The following KLRG1 variants were observed in gnomAD, a reference collection of about 807,000 sequenced individuals.
KLRG1 encodes the protein killer cell lectin like receptor G1, also known as killer cell lectin-like receptor subfamily G member 1.
Under a neutral mutation model 21.8 loss-of-function variants are expected in KLRG1, and 16 were observed. The ratio of observed to expected loss-of-function variants is 0.73; its 90% confidence interval spans 0.50 to 1.11. The LOEUF (loss-of-function observed/expected upper bound fraction) is 1.11. Among genes scored for constraint, KLRG1 ranks in the 50% most tolerant of loss-of-function variants. KLRG1 has a pLI of 0.00. For missense variants in KLRG1, 173 were observed against 218.3 expected (o/e 0.79, Z 1.31); for synonymous variants, 69 against 75.9 (o/e 0.91, Z 0.47).
the KLRG1 span, among the ~76,000 whole-genome samples, chr12:9,109,668 G>A: frequency 6.6e-6 from 1 of 152,152 alleles, no homozygotes; most frequent in Non-Finnish European, 1.5e-5. Context: ...ATTAAATATT[G>A]CTACAGAAAA....
At chr12:9,087,117 T>C in the KLRG1 span, among the ~76,000 whole-genome samples, 2 of 143,704 alleles carry the variant, frequency 1.4e-5, no homozygotes, top group Non-Finnish European at 3.0e-5. Flanking sequence ...ATGAAAGAAA[T>C]CAAAGAGAAC....
chr12:9,000,008 C>G (rs966075838), intron 3 of KLRG1, among the ~76,000 whole-genome samples: 11 of 151,808 alleles, frequency 7.2e-5, no homozygotes, highest in African/African-American at 2.7e-4. Context: ...GCACTCCAGC[C>G]TGAGAGACAG....
At chr12:9,077,211 G>T in the KLRG1 span, 2 of 905,586 alleles carry the variant, frequency 2.2e-6, no homozygotes, top group Non-Finnish European at 3.3e-6. Context: ...ATTCTCTGTA[G>T]ATCTGGGAAG....
At chr12:9,189,121 A>G in the KLRG1 span, among the ~76,000 whole-genome samples, 1 of 152,212 alleles carries the variant, frequency 6.6e-6, no homozygotes, top group Non-Finnish European at 1.5e-5. Flanking sequence ...TACCAACGAC[A>G]TCCTTCACAG....
At chr12:9,197,689 T>C in the KLRG1 span, among the ~76,000 whole-genome samples, 1 of 91,690 alleles carries the variant, frequency 1.1e-5, no homozygotes, top group Non-Finnish European at 1.9e-5. Context: ...CAATACATAA[T>C]ATATATAATT....
chr12:9,113,511 T>C, the KLRG1 span: 1 of 1,613,902 alleles, frequency 6.2e-7, no homozygotes, highest in Middle Eastern at 1.7e-4. Flanking sequence ...GGTCTCAGTG[T>C]GGAGCAGGGA....
chr12:9,081,948 A>G, the KLRG1 span, among the ~76,000 whole-genome samples: 4 of 152,194 alleles, frequency 2.6e-5, no homozygotes, highest in Non-Finnish European at 5.9e-5. Flanking sequence ...TGCAAAACTG[A>G]GCTGGTCACT....
chr12:8,973,163 GAAAAAAAAAAAAAAAA>G (rs59760555), intron 1 of KLRG1, among the ~76,000 whole-genome samples: 1 of 97,034 alleles, frequency 1.0e-5, no homozygotes, highest in Non-Finnish European at 2.0e-5. Flanking sequence ...CATCTCAAAA[GAAAAAAAAAAAAAAAA>G]AAAAAAAAAA....
chr12:9,200,569 A>G, the KLRG1 span: 588 of 787,756 alleles, frequency 7.5e-4, 5 homozygotes, highest in East Asian at 0.014. Context: ...TTACTTTCCA[A>G]TGTATCAACT....
At chr12:9,113,662 G>A in the KLRG1 span, 8 of 1,024,554 alleles carry the variant, frequency 7.8e-6, no homozygotes, top group Admixed American at 2.0e-4. Flanking sequence ...AAGATGTACT[G>A]ATGAGCATGA....
At chr12:9,203,464 C>T in the KLRG1 span, among the ~76,000 whole-genome samples, 3 of 151,700 alleles carry the variant, frequency 2.0e-5, no homozygotes, top group African/African-American at 7.3e-5. Context: ...GCCTCAGCCT[C>T]CCAGGTAGCT....
chr12:9,202,244 TGTACCTTTCTACCTCACTCTGGGTGA>T, the KLRG1 span: 1 of 1,320,256 alleles, frequency 7.6e-7, no homozygotes, highest in Admixed American at 1.7e-5. Flanking sequence ...TCGCTTTTCT[TGTACCTTTCTACCTCACTCTGGGTGA>T]GTATTCCCAC....
the KLRG1 span, chr12:9,067,621 A>C: frequency 1.5e-6 from 1 of 666,446 alleles, no homozygotes; most frequent in South Asian, 1.6e-5. Flanking sequence ...TCAGCACTTG[A>C]TTCCTTTAAG....
the KLRG1 span, chr12:9,110,427 C>A: frequency 1.4e-6 from 1 of 711,322 alleles, no homozygotes; most frequent in Non-Finnish European, 2.2e-6. Flanking sequence ...GCTAGCATAA[C>A]AGGGTGAGTA....
the KLRG1 span, among the ~76,000 whole-genome samples, chr12:9,030,352 A>G: frequency 6.6e-6 from 1 of 152,170 alleles, no homozygotes; most frequent in African/African-American, 2.4e-5. Context: ...TAATTCAGTG[A>G]CATTAATTAT....
chr12:9,079,617 C>T, the KLRG1 span: 3 of 1,603,026 alleles, frequency 1.9e-6, no homozygotes, highest in South Asian at 1.1e-5. Context: ...TCAAGTTTTC[C>T]CTTACTCAAG....
chr12:9,077,796 C>T, the KLRG1 span: 5 of 1,614,156 alleles, frequency 3.1e-6, no homozygotes, highest in Admixed American at 1.7e-5. Flanking sequence ...GTAATGTGTG[C>T]TTCATCGATG....
the KLRG1 span, among the ~76,000 whole-genome samples, chr12:9,061,694 G>T: frequency 6.6e-6 from 1 of 151,934 alleles, no homozygotes; most frequent in African/African-American, 2.4e-5. Context: ...TTTATTCTTC[G>T]ATCATGATGG....
chr12:9,199,420 G>A, the KLRG1 span, among the ~76,000 whole-genome samples: 1 of 152,128 alleles, frequency 6.6e-6, no homozygotes, highest in Non-Finnish European at 1.5e-5. Context: ...GGAAATTTCT[G>A]GGGGAGAGAT....
Sources: gnomAD v4.1 joint callset for allele counts (sites outside exome capture counted in the v4.1 genomes callset) on GRCh38, gnomAD v4.1.1 for gene constraint, MANE v1.5 for transcripts, NCBI Gene and HGNC (gene_info 2026-07-23, HGNC 2026-07-21) for gene names.